The following PTPRN2 variants were observed in gnomAD, a reference collection of about 807,000 sequenced individuals.
The protein encoded by PTPRN2 is protein tyrosine phosphatase receptor type N2, also known as receptor-type tyrosine-protein phosphatase N2.
PTPRN2 carries 74 observed loss-of-function variants against 118.8 expected under a neutral mutation model. The ratio of observed to expected loss-of-function variants is 0.62; its 90% CI spans 0.52 to 0.76. PTPRN2 has a LOEUF of 0.76. PTPRN2 is among the 30% of genes least tolerant of loss of function. The probability of loss-of-function intolerance (pLI) is 0.00; values close to 1 mark genes in which losing one functional copy is unlikely to be tolerated. For missense variants in PTPRN2, 1,481 were observed against 1,394.4 expected (o/e 1.06, Z -0.99); for synonymous variants, 641 against 608.0 (o/e 1.05, Z -0.80).
At chr7:157,829,383 G>T (rs1045137594) in intron 12 of PTPRN2, among the ~76,000 whole-genome samples, 6 of 152,316 alleles carry the variant, frequency 3.9e-5, no homozygotes, top group Non-Finnish European at 7.3e-5. Context: ...ACATCAAACA[G>T]GTCCTCATCT....
Position 157,690,387 on chromosome 7 carries a change from C to T in PTPRN2, c.1789-7450G>A, listed in dbSNP as rs1037708676. ...CCGTTAGAGCCCCCATGCGCGCCCT[C>T]CAGCCTTCGAAAGCTCTCTTCCTCG... On this transcript the variant is annotated intron_variant, in intron 12 of 22. Transcript: ENST00000389418. This position sits in a 1 kb window ranked among gnomAD's most constrained non-coding sequence, Gnocchi z 7.1. Among the ~76,000 whole-genome samples the T allele has an allele frequency of 1.1e-4, 17 of 152,206 alleles. No individual in the cohort carries two copies. The highest frequency in any genetic ancestry group is 1.3e-4 in the Non-Finnish European group (9 of 68,034).
intron 5 of PTPRN2, among the ~76,000 whole-genome samples, chr7:158,180,508 T>C (rs984308872): frequency 8.5e-5 from 13 of 152,104 alleles, no homozygotes; most frequent in African/African-American, 3.1e-4. Flanking sequence ...GATAGGAATT[T>C]CATTAAATCT....
rs1331287325 is a variant in PTPRN2, at chr7:157,881,096, G to A, written c.1788+17577C>T. 6.6e-6 allele frequency among the ~76,000 whole-genome samples: 1 copy of A among 152,116 alleles called. No individual in the cohort carries two copies. The highest frequency in any genetic ancestry group is 1.5e-5 in the Non-Finnish European group (1 of 68,032). ...TGAGGTCATGAGGATATGTGGAGATGGGGGTGTTTACAGTAGTCATTATGA... is the reference window on the plus strand; with the variant it reads ...TGAGGTCATGAGGATATGTGGAGATAGGGGTGTTTACAGTAGTCATTATGA... On this transcript the variant is annotated intron_variant, in intron 12 of 22. Coordinates refer to ENST00000389418, the MANE Select transcript of PTPRN2 (RefSeq NM_002847.5). This position sits in a 1 kb window ranked among gnomAD's most constrained non-coding sequence, Gnocchi z 4.7.
At chr7:158,311,278 G>T (rs1042855946) in intron 3 of PTPRN2, among the ~76,000 whole-genome samples, 1 of 152,204 alleles carries the variant, frequency 6.6e-6, no homozygotes, top group African/African-American at 2.4e-5. Flanking sequence ...TTTAAGGAAT[G>T]ATAACACTGT....
intron 2 of PTPRN2, among the ~76,000 whole-genome samples, chr7:158,329,858 G>C (rs79959648): frequency 4.8e-4 from 73 of 152,244 alleles, no homozygotes; most frequent in Middle Eastern, 3.4e-3. Flanking sequence ...ACTTTAGACT[G>C]TAGATGCCAG....
intron 17 of PTPRN2, among the ~76,000 whole-genome samples, chr7:157,594,236 C>T (rs903291309): frequency 2.3e-4 from 35 of 152,210 alleles, no homozygotes; most frequent in African/African-American, 6.5e-4. Context: ...ATCGGAGTCA[C>T]GCGAGGCTGA....
intron 12 of PTPRN2, among the ~76,000 whole-genome samples, chr7:157,715,089 G>T (rs1405186944): frequency 6.6e-6 from 1 of 152,262 alleles, no homozygotes; most frequent in Non-Finnish European, 1.5e-5. Context: ...TGCTTTCTGA[G>T]CACTTGAATC....
chr7:158,314,405 C>T (rs1409801328), intron 3 of PTPRN2, among the ~76,000 whole-genome samples: 1 of 152,252 alleles, frequency 6.6e-6, no homozygotes, highest in African/African-American at 2.4e-5. Context: ...TTTACACAAC[C>T]TTCCTTCAAT....
At chr7:158,144,293 C>T (rs1819674002) in intron 6 of PTPRN2, among the ~76,000 whole-genome samples, 1 of 152,176 alleles carries the variant, frequency 6.6e-6, no homozygotes, top group Non-Finnish European at 1.5e-5. Flanking sequence ...CCAGGGTATT[C>T]AATTCAGAGT....
At chr7:157,895,934 C>T (rs1212162574) in intron 12 of PTPRN2, among the ~76,000 whole-genome samples, 1 of 152,112 alleles carries the variant, frequency 6.6e-6, no homozygotes, top group Non-Finnish European at 1.5e-5. Flanking sequence ...ACAGAGACTG[C>T]AGGAGGCCCG....
At chr7:157,821,587 C>T (rs1472904573) in intron 12 of PTPRN2, among the ~76,000 whole-genome samples, 1 of 152,094 alleles carries the variant, frequency 6.6e-6, no homozygotes, top group Non-Finnish European at 1.5e-5. Flanking sequence ...GATGGAGAGC[C>T]CACAGTTGAT....
intron 11 of PTPRN2, among the ~76,000 whole-genome samples, chr7:157,909,499 C>G (rs1797962013): frequency 6.6e-6 from 1 of 152,270 alleles, no homozygotes; most frequent in African/African-American, 2.4e-5. Flanking sequence ...GACACAAGGC[C>G]CTTCAGAACC....
At chr7:157,745,501 A>G (rs544691259) in intron 12 of PTPRN2, among the ~76,000 whole-genome samples, 73 of 151,868 alleles carry the variant, frequency 4.8e-4, no homozygotes, top group Admixed American at 1.6e-3. Flanking sequence ...AGGCTGGGGG[A>G]GAGGGCAGGC....
At chr7:157,822,329 TCATC>T (rs975005171) in intron 12 of PTPRN2, among the ~76,000 whole-genome samples, 7 of 151,156 alleles carry the variant, frequency 4.6e-5, no homozygotes, top group African/African-American at 1.5e-4. Flanking sequence ...ATCCTCCCAC[TCATC>T]CATCCATCCA....
intron 2 of PTPRN2, among the ~76,000 whole-genome samples, chr7:158,425,361 G>C (rs1461492453): frequency 1.8e-5 from 2 of 113,510 alleles, no homozygotes; most frequent in African/African-American, 7.8e-5. Flanking sequence ...CGGGAAAGAC[G>C]CGGTGTCCGA....
At chr7:157,667,526 C>A (rs1481359633) in intron 13 of PTPRN2, among the ~76,000 whole-genome samples, 5 of 152,224 alleles carry the variant, frequency 3.3e-5, no homozygotes, top group Non-Finnish European at 1.5e-5. Flanking sequence ...TTCCAGGACA[C>A]AATACCAAGG....
chr7:158,171,436 C>A (rs1228134890), intron 5 of PTPRN2, among the ~76,000 whole-genome samples: 1 of 150,542 alleles, frequency 6.6e-6, no homozygotes, highest in Non-Finnish European at 1.5e-5. Context: ...GCAACCTCCA[C>A]CTCCTGGGTT....
intron 11 of PTPRN2, among the ~76,000 whole-genome samples, chr7:158,000,299 C>T (rs1805114855): frequency 6.6e-6 from 1 of 152,128 alleles, no homozygotes; most frequent in Admixed American, 6.5e-5. Flanking sequence ...AGGATTAAAA[C>T]AAAAGGTTAA....
chr7:157,771,948 A>G (rs1289843515), intron 12 of PTPRN2, among the ~76,000 whole-genome samples: 2 of 136,214 alleles, frequency 1.5e-5, no homozygotes, highest in Admixed American at 1.5e-4. Flanking sequence ...ACATACAAAG[A>G]CACACATACA....
Sources: gnomAD v4.1 joint callset for allele counts (sites outside exome capture counted in the v4.1 genomes callset) on GRCh38, gnomAD v4.1.1 for gene constraint, Gnocchi (gnomAD v3.1) non-coding constraint, MANE v1.5 for transcripts, NCBI Gene and HGNC (gene_info 2026-07-23, HGNC 2026-07-21) for gene names.